BAZ2B: variants seen among roughly 807,000 people sequenced by gnomAD.
BAZ2B encodes the protein bromodomain adjacent to zinc finger domain protein 2B.
In BAZ2B, 91 loss-of-function variants were observed where a neutral mutation model predicts 246.0. The ratio of observed to expected loss-of-function variants is 0.37; its 90% confidence interval spans 0.31 to 0.44. The LOEUF is 0.44. Among genes scored for constraint, BAZ2B ranks in the 20% least tolerant of loss-of-function variants. BAZ2B has a pLI of 1.00. For synonymous variants in BAZ2B, 855 were observed against 860.0 expected (o/e 0.99, Z 0.10); for missense variants, 2,332 against 2,533.7 (o/e 0.92, Z 1.71).
intron 1 of BAZ2B, among the ~76,000 whole-genome samples, chr2:159,601,359 G>A (rs1401288449): frequency 6.6e-6 from 1 of 152,112 alleles, no homozygotes; most frequent in Non-Finnish European, 1.5e-5. Flanking sequence ...GGGAGGTCAA[G>A]GCTGCAGTGA....
chr2:159,412,299 T>C lies in BAZ2B; in HGVS notation c.2677+36A>G, dbSNP rs1434421870. 5 of 1,583,522 alleles carry C rather than the reference T, an allele frequency of 3.2e-6. No homozygotes were observed. The African/African-American group carries it at 6.7e-5, about 21-fold the overall frequency. ...GAAATACTTTTAGTATACTTTTTAGTATGATTATTAGTGTCAGACACATTA... is the reference window on the plus strand; with the variant it reads ...GAAATACTTTTAGTATACTTTTTAGCATGATTATTAGTGTCAGACACATTA... On this transcript the variant is annotated intron_variant, in intron 14 of 36. Transcript: ENST00000392783.
Position 159,398,749 on chromosome 2 carries a change from T to G in BAZ2B, c.2964+80A>C. On this transcript the variant is annotated intron_variant, in intron 18 of 36. Coordinates refer to ENST00000392783, the MANE Select transcript of BAZ2B (RefSeq NM_013450.4). ...AGATAGTCATTTTGAAGAAAGCTATTTTTTCATATAACTGATGCCAGTATA... is the reference window on the plus strand; with the variant it reads ...AGATAGTCATTTTGAAGAAAGCTATGTTTTCATATAACTGATGCCAGTATA... The G allele has an allele frequency of 6.1e-6, 8 of 1,311,112 alleles. No individual in the cohort carries two copies. In the South Asian group the frequency reaches 1.1e-4, roughly 18 times the overall value. 81.2% of individuals were successfully genotyped at this position (1,311,112 alleles called of 1,614,324 possible).
At chr2:159,576,996 T>C (rs1050182575) in intron 1 of BAZ2B, among the ~76,000 whole-genome samples, 8 of 149,454 alleles carry the variant, frequency 5.4e-5, no homozygotes, top group Admixed American at 5.3e-4. Flanking sequence ...GAGAACAAGG[T>C]TGGAAGACTA....
At chr2:159,679,380 T>C in the BAZ2B span, among the ~76,000 whole-genome samples, 1 of 152,032 alleles carries the variant, frequency 6.6e-6, no homozygotes. Context: ...TATTCCATAG[T>C]ATATTATATA....
At chr2:159,474,031 T>C (rs900209488) in intron 3 of BAZ2B, among the ~76,000 whole-genome samples, 3 of 152,222 alleles carry the variant, frequency 2.0e-5, no homozygotes, top group Admixed American at 6.5e-5. Flanking sequence ...GAAGACTCTA[T>C]ATTCTGTTGA....
At chr2:159,385,487 C>CTT (rs5835743) in intron 22 of BAZ2B, 118 bp from the exon 23 acceptor site, 332,715 of 634,880 alleles carry the variant, frequency 0.52, 62,980 homozygotes, top group Non-Finnish European at 0.56. Flanking sequence ...GCTTTATTCA[C>CTT]TTTTTTTTTA....
chr2:159,465,724 C>G (rs980750724), intron 3 of BAZ2B, among the ~76,000 whole-genome samples: 3 of 152,046 alleles, frequency 2.0e-5, no homozygotes, highest in Non-Finnish European at 4.4e-5. Context: ...GAGCTTGAGA[C>G]CAACCTGGCC....
chr2:159,356,112 T>G (rs765677198), intron 27 of BAZ2B, among the ~76,000 whole-genome samples: 38 of 151,936 alleles, frequency 2.5e-4, no homozygotes, highest in African/African-American at 9.2e-4. Flanking sequence ...CATACCCCAG[T>G]GGTGCCTGGA....
intron 1 of BAZ2B, among the ~76,000 whole-genome samples, chr2:159,609,649 G>A (rs1694282324): frequency 6.6e-6 from 1 of 152,094 alleles, no homozygotes; most frequent in South Asian, 2.1e-4. Context: ...GGTAGGACAT[G>A]ACCTTTTACA....
At chr2:159,659,998 A>G in the BAZ2B span, among the ~76,000 whole-genome samples, 109 of 152,328 alleles carry the variant, frequency 7.2e-4, no homozygotes, top group African/African-American at 2.4e-3. Flanking sequence ...TGAAGTGTAC[A>G]ATTCAGTGGA....
At chr2:159,502,788 T>A (rs1280403597) in intron 2 of BAZ2B, among the ~76,000 whole-genome samples, 1 of 152,198 alleles carries the variant, frequency 6.6e-6, no homozygotes, top group East Asian at 1.9e-4. Flanking sequence ...ATTTTTCATG[T>A]GCTATAATGA....
intron 2 of BAZ2B, among the ~76,000 whole-genome samples, chr2:159,517,503 A>G (rs2083555050): frequency 6.6e-6 from 1 of 152,216 alleles, no homozygotes; most frequent in Non-Finnish European, 1.5e-5. Context: ...TTAAAATTCT[A>G]TATTTACTAA....
At chr2:159,430,410 G>A (rs1044651807) in intron 10 of BAZ2B, among the ~76,000 whole-genome samples, 4 of 152,048 alleles carry the variant, frequency 2.6e-5, no homozygotes, top group South Asian at 4.2e-4. Context: ...TACAACATAC[G>A]TTAATTGACT....
chr2:159,320,493 A>T, intron 36 of BAZ2B, 75 bp from the exon 37 acceptor site: 3 of 1,293,184 alleles, frequency 2.3e-6, no homozygotes, highest in Non-Finnish European at 3.2e-6. Context: ...GAGTTAATAA[A>T]GGGTAAAAAT....
chr2:159,578,452 A>G (rs1218274364), intron 1 of BAZ2B, among the ~76,000 whole-genome samples: 1 of 152,224 alleles, frequency 6.6e-6, no homozygotes, highest in African/African-American at 2.4e-5. Context: ...TCCCAAAATG[A>G]GAGACAAACA....
In BAZ2B at chr2:159,374,737, G is replaced by A. The variant is rs377445927; in HGVS notation, c.4022C>T (p.Ala1341Val). The A allele has an allele frequency of 1.9e-6, 3 of 1,612,830 alleles. No homozygotes were observed. The highest frequency in any genetic ancestry group is 1.1e-5 in the South Asian group (1 of 91,052). ...ICEDEDEGDQ[A>V]ASVEELEKQI... is the part of the protein sequence containing the mutation. ...TTTTTCCAGCTCTTCAACACTTGCT[G>A]CTTGGTCACCTTCATCCTATACATA... Residue 1341 changes from alanine to valine, a missense_variant, in exon 26 of 37, where the codon GCA becomes GTA. By Grantham distance (64) the Ala-to-Val change is moderately conservative (BLOSUM62 0). Coordinates refer to ENST00000392783, the MANE Select transcript of BAZ2B (RefSeq NM_013450.4).
At chr2:159,485,739 T>C (rs913908967) in intron 2 of BAZ2B, among the ~76,000 whole-genome samples, 25 of 152,256 alleles carry the variant, frequency 1.6e-4, no homozygotes, top group African/African-American at 5.8e-4. Flanking sequence ...ACAAAATTAA[T>C]ACTGCATTGA....
intron 1 of BAZ2B, among the ~76,000 whole-genome samples, chr2:159,613,685 CTT>C (rs935030646): frequency 2.6e-5 from 4 of 152,122 alleles, no homozygotes; most frequent in Admixed American, 6.5e-5. Flanking sequence ...TCTTAAACTG[CTT>C]ATCCTCTGTT....
At chr2:159,573,648 G>GA (rs1264801016) in intron 1 of BAZ2B, among the ~76,000 whole-genome samples, 1 of 152,110 alleles carries the variant, frequency 6.6e-6, no homozygotes, top group African/African-American at 2.4e-5. Context: ...GCAATCAAAG[G>GA]AAAAATAGAT....
Sources: allele counts gnomAD v4.1 joint callset (sites outside exome capture counted in the v4.1 genomes callset), GRCh38; gene constraint gnomAD v4.1.1; transcripts MANE v1.5; gene names NCBI Gene and HGNC (gene_info 2026-07-23, HGNC 2026-07-21).